KCNAB1: variants seen among roughly 807,000 people sequenced by gnomAD.
The protein encoded by KCNAB1 is potassium voltage-gated channel subfamily A regulatory beta subunit 1.
Under a neutral mutation model 64.6 loss-of-function variants are expected in KCNAB1, and 35 were observed. The observed-to-expected ratio is 0.54, with a 90% CI of 0.41 to 0.72. The LOEUF is 0.72. KCNAB1 is among the 30% of genes least tolerant of loss of function. The probability of loss-of-function intolerance (pLI) is 0.00; values close to 1 mark genes in which losing one functional copy is unlikely to be tolerated. For synonymous variants in KCNAB1, 177 were observed against 183.8 expected (o/e 0.96, Z 0.30); for missense variants, 401 against 512.9 (o/e 0.78, Z 2.11).
At chr3:156,414,489 T>C (rs1206864307) in intron 1 of KCNAB1, among the ~76,000 whole-genome samples, 1 of 152,234 alleles carries the variant, frequency 6.6e-6, no homozygotes, top group Non-Finnish European at 1.5e-5. Flanking sequence ...TAAATGATTT[T>C]TTGATGTCTT....
At position 156,536,686 on chromosome 3, in the gene KCNAB1, T is replaced by C. The variant is rs529529258; in HGVS notation, c.1199T>C (p.Val400Ala). The part of the protein sequence containing the change: ...QVLPKMTSHV[V>A]NEIDNILRNK... ...CTCCCAAAGATGACATCACATGTGG[T>C]AAATGAGATTGATAACATACTGCGC... Residue 400 changes from valine to alanine, a missense_variant, in exon 14 of 14, where the codon GTA becomes GCA. Coordinates refer to ENST00000490337, the MANE Select transcript of KCNAB1 (RefSeq NM_172160.3). The C allele has an allele frequency of 3.1e-6, 5 of 1,613,108 alleles. No individual in the cohort carries two copies. Among genetic ancestry groups the C allele is most frequent in the African/African-American group, 2.7e-5 (2 of 75,064 alleles).
chr3:156,394,800 GAGAA>G (rs1173274407), intron 1 of KCNAB1, among the ~76,000 whole-genome samples: 31 of 152,156 alleles, frequency 2.0e-4, no homozygotes, highest in Admixed American at 2.0e-3. Flanking sequence ...CTTCAACTCT[GAGAA>G]AGAATGTACC....
At chr3:156,503,702 A>G (rs1317151186) in intron 8 of KCNAB1, among the ~76,000 whole-genome samples, 4 of 152,066 alleles carry the variant, frequency 2.6e-5, no homozygotes, top group Non-Finnish European at 5.9e-5. Context: ...TCACAGGGGC[A>G]ATGCCACAAA....
Position 156,182,618 on chromosome 3 carries a change from TG to T in KCNAB1, c.275+61734del, listed in dbSNP as rs1449433195. ...ATATTCTACTCCTTCTTTCCAGGGT[TG>T]GTTTTTTTTTCCCCCCCCCGGGTCT... is the stretch of plus-strand genomic sequence containing the variant. On this transcript the variant is annotated intron_variant, in intron 1 of 13. Transcript: ENST00000490337. Among the ~76,000 whole-genome samples, 8 of 81,246 alleles carry T rather than the reference TG, an allele frequency of 9.8e-5. No individual in the cohort carries two copies. The South Asian group carries it at 1.7e-3, about 17-fold the overall frequency. The allele number at this position is 81,246 out of a possible 152,430, so 53.3% of individuals were successfully genotyped here.
chr3:156,531,780 G>C (rs1317918219), intron 13 of KCNAB1, among the ~76,000 whole-genome samples: 1 of 152,206 alleles, frequency 6.6e-6, no homozygotes, highest in Non-Finnish European at 1.5e-5. Context: ...ATAAAAGCCG[G>C]CCTGATAACT....
Position 156,120,800 on chromosome 3 carries a change from G to A in KCNAB1, c.189G>A (p.Leu63=). 6.2e-7 allele frequency: 1 copy of A among 1,614,252 alleles called. No individual in the cohort carries two copies. Among genetic ancestry groups the A allele is most frequent in the East Asian group, 2.2e-5 (1 of 44,878 alleles). Reference sequence around the variant, plus strand: ...TCAGGGCGCGTCAACTGGCTCTGCTGCGCGAAGTGGAGATGAACTGGTACC... The same window carrying A: ...TCAGGGCGCGTCAACTGGCTCTGCTACGCGAAGTGGAGATGAACTGGTACC... ...SQLRARQLAL[L]REVEMNWYLK... is the part of the protein sequence containing the mutation. The change falls in exon 1 of 14, where the codon CTG becomes CTA. Residue 63 remains leucine (L), a synonymous_variant. Coordinates refer to ENST00000490337, the MANE Select transcript of KCNAB1 (RefSeq NM_172160.3).
intron 1 of KCNAB1, chr3:156,176,849 C>T: frequency 1.8e-6 from 2 of 1,082,544 alleles, no homozygotes; most frequent in South Asian, 1.3e-5. Context: ...GCAACTCATG[C>T]CGCTGCCGCT....
At chr3:156,455,830 A>G (rs1012531738) in intron 3 of KCNAB1, among the ~76,000 whole-genome samples, 1 of 152,144 alleles carries the variant, frequency 6.6e-6, no homozygotes, top group Admixed American at 6.5e-5. Flanking sequence ...GACTCCGGGG[A>G]AAGGGTGTTG....
chr3:156,428,473 C>T (rs1715973403), intron 2 of KCNAB1, among the ~76,000 whole-genome samples: 1 of 134,434 alleles, frequency 7.4e-6, no homozygotes, highest in Non-Finnish European at 1.6e-5. Flanking sequence ...GAGCCAATTC[C>T]TTATAATTCC....
At chr3:156,146,633 C>T (rs916459993) in intron 1 of KCNAB1, among the ~76,000 whole-genome samples, 10 of 152,202 alleles carry the variant, frequency 6.6e-5, no homozygotes, top group African/African-American at 9.6e-5. Flanking sequence ...GCTCCAGGTT[C>T]GTATCTGCCT....
chr3:156,141,272 G>A (rs1714691280), intron 1 of KCNAB1, among the ~76,000 whole-genome samples: 1 of 151,998 alleles, frequency 6.6e-6, no homozygotes, highest in Non-Finnish European at 1.5e-5. Context: ...ACTCATTTTT[G>A]AGTAATTTAT....
At chr3:156,359,660 C>T (rs961060450) in intron 1 of KCNAB1, among the ~76,000 whole-genome samples, 1 of 152,064 alleles carries the variant, frequency 6.6e-6, no homozygotes, top group Non-Finnish European at 1.5e-5. Context: ...TGGGTATGCA[C>T]CATTATGTGA....
At chr3:156,182,276 A>G (rs564991333) in intron 1 of KCNAB1, among the ~76,000 whole-genome samples, 2 of 152,304 alleles carry the variant, frequency 1.3e-5, no homozygotes, top group South Asian at 2.1e-4. Flanking sequence ...CCTATTTTGT[A>G]TCTCATTTAT....
intron 1 of KCNAB1, among the ~76,000 whole-genome samples, chr3:156,225,410 G>A (rs1431526177): frequency 6.6e-6 from 1 of 152,152 alleles, no homozygotes; most frequent in East Asian, 1.9e-4. Flanking sequence ...CGGCATAGAA[G>A]GGACAAACGT....
chr3:156,179,970 G>A (rs75904124), intron 1 of KCNAB1, among the ~76,000 whole-genome samples: 3,092 of 152,144 alleles, frequency 0.02, 51 homozygotes, highest in South Asian at 0.03. Context: ...ACATTGTATC[G>A]CTTAACATAT....
chr3:156,462,325 C>T (rs1353510978), intron 5 of KCNAB1, among the ~76,000 whole-genome samples: 1 of 152,186 alleles, frequency 6.6e-6, no homozygotes, highest in Admixed American at 6.5e-5. Flanking sequence ...ATAGAATATG[C>T]AGCTTTGAAT....
chr3:156,143,566 C>CTTG lies in KCNAB1; in HGVS notation c.275+22683_275+22685dup. 1.9e-5 allele frequency: 3 copies of CTTG among 159,604 alleles called. No individual in the cohort carries two copies. In the African/African-American group the frequency reaches 2.4e-4, roughly 13 times the overall value. 9.9% of individuals were successfully genotyped at this position (159,604 alleles called of 1,614,324 possible). ...GTGAGCCCTCTTCTTGGGTTGCATT[C>CTTG]TTGTTTTTTTTTTTTTTTTTTTTTT... On this transcript the variant is annotated intron_variant, in intron 1 of 13. Coordinates refer to ENST00000490337, the MANE Select transcript of KCNAB1 (RefSeq NM_172160.3).
At chr3:156,363,571 G>T (rs1334820902) in intron 1 of KCNAB1, among the ~76,000 whole-genome samples, 16 of 151,996 alleles carry the variant, frequency 1.1e-4, no homozygotes. Context: ...TGCCTCCTGG[G>T]TTCAAGAGAT....
intron 1 of KCNAB1, among the ~76,000 whole-genome samples, chr3:156,195,067 A>G (rs563056795): frequency 1.9e-4 from 29 of 152,260 alleles, no homozygotes; most frequent in African/African-American, 6.5e-4. Flanking sequence ...TAGTTTGCTG[A>G]GAATGATGGT....
Sources: gnomAD v4.1 joint callset for allele counts (sites outside exome capture counted in the v4.1 genomes callset) on GRCh38, gnomAD v4.1.1 for gene constraint, MANE v1.5 for transcripts, NCBI Gene and HGNC (gene_info 2026-07-23, HGNC 2026-07-21) for gene names.